Variants in FAM13B observed in about 807,000 individuals in gnomAD.
FAM13B encodes protein FAM13B.
FAM13B carries 60 observed loss-of-function variants against 117.3 expected under a neutral mutation model. The ratio of observed to expected loss-of-function variants is 0.51; its 90% CI spans 0.42 to 0.63. The LOEUF is 0.63. Ranked by LOEUF, FAM13B falls within the 30% of genes least tolerant of loss-of-function variation. The pLI is 0.00. For synonymous variants in FAM13B, 332 were observed against 356.1 expected (o/e 0.93, Z 0.76); for missense variants, 972 against 1,091.9 (o/e 0.89, Z 1.55).
At chr5:137,954,423 C>A (rs368375045) in intron 14 of FAM13B, 47 bp from the exon 15 acceptor site, 1 of 1,515,808 alleles carries the variant, frequency 6.6e-7, no homozygotes, top group Non-Finnish European at 9.0e-7. Context: ...CTTGATTCCA[C>A]GTGGGAAAAA....
At position 138,032,735 on chromosome 5, in the gene FAM13B, CT is replaced by C. The variant is rs1345234434; in HGVS notation, c.-203+46del. Reference sequence around the variant, plus strand: ...ACAGGAGGGGAAGGGCCGCGGCGACCTGCAACCCGCGCATGCGCAGATCCGG... The same window carrying C: ...ACAGGAGGGGAAGGGCCGCGGCGACCGCAACCCGCGCATGCGCAGATCCGG... On this transcript the variant is annotated intron_variant, in intron 1 of 23. Coordinates refer to ENST00000689681, the MANE Select transcript of FAM13B (RefSeq NM_001385994.1). The C allele has an allele frequency of 4.5e-5, 44 of 985,712 alleles. 2 individuals carry two copies. In the East Asian group the frequency reaches 4.4e-3, roughly 99 times the overall value. The allele number at this position is 985,712 out of a possible 1,614,324, so 61.1% of individuals were successfully genotyped here.
chr5:137,992,893 A>G (rs888317785), intron 7 of FAM13B, among the ~76,000 whole-genome samples: 16 of 152,362 alleles, frequency 1.1e-4, no homozygotes, highest in Admixed American at 1.0e-3. Context: ...GAAGATGTGT[A>G]TAAGAACGTA....
chr5:138,031,017 T>C (rs1047155885), intron 1 of FAM13B, among the ~76,000 whole-genome samples: 12 of 151,058 alleles, frequency 7.9e-5, no homozygotes, highest in Non-Finnish European at 1.0e-4. Context: ...TGGGCGACAG[T>C]GATGCCCTGT....
At chr5:138,013,657 C>A (rs1361456724) in intron 4 of FAM13B, among the ~76,000 whole-genome samples, 18 of 152,160 alleles carry the variant, frequency 1.2e-4, no homozygotes, top group Admixed American at 6.5e-5. Context: ...TAAAATCAGA[C>A]AGAATAGTCC....
At chr5:138,040,626 A>G (rs1199550306) in intron 1 of FAM13B, among the ~76,000 whole-genome samples, 1 of 152,172 alleles carries the variant, frequency 6.6e-6, no homozygotes, top group Non-Finnish European at 1.5e-5. Flanking sequence ...CAATATTCAA[A>G]GAAATAGTGG....
intron 7 of FAM13B, among the ~76,000 whole-genome samples, chr5:138,002,895 C>T (rs1265055152): frequency 2.0e-5 from 3 of 150,430 alleles, no homozygotes; most frequent in African/African-American, 7.3e-5. Flanking sequence ...AGGATGGTCT[C>T]GATCTCCTGA....
At chr5:137,975,840 A>AT (rs1363667017) in intron 10 of FAM13B, among the ~76,000 whole-genome samples, 2 of 147,582 alleles carry the variant, frequency 1.4e-5, no homozygotes, top group Admixed American at 1.4e-4. Context: ...TCTTTCTGAC[A>AT]TTTTTTAGTC....
chr5:138,038,204 A>G (rs1234149186), intron 1 of FAM13B, among the ~76,000 whole-genome samples: 3 of 151,952 alleles, frequency 2.0e-5, no homozygotes, highest in Non-Finnish European at 4.4e-5. Context: ...ACCACTAAGA[A>G]TTCCCCCAAA....
intron 10 of FAM13B, among the ~76,000 whole-genome samples, chr5:137,982,967 G>T (rs1776185144): frequency 6.6e-6 from 1 of 152,038 alleles, no homozygotes; most frequent in South Asian, 2.1e-4. Flanking sequence ...GCAATCTAAA[G>T]TTCCAAAACA....
intron 1 of FAM13B, among the ~76,000 whole-genome samples, chr5:138,026,392 G>A (rs377735216): frequency 2.4e-4 from 37 of 152,208 alleles, no homozygotes; most frequent in East Asian, 9.7e-4. Flanking sequence ...TTGGGAGGCC[G>A]AGGTGGGCAG....
intron 1 of FAM13B, among the ~76,000 whole-genome samples, chr5:138,024,208 G>A (rs1389740614): frequency 6.6e-6 from 1 of 151,950 alleles, no homozygotes; most frequent in East Asian, 1.9e-4. Context: ...CTTTGCAGGT[G>A]TAATTAGTTA....
At chr5:137,946,342 C>CAA (rs752211644) in intron 18 of FAM13B, 31 bp from the exon 19 acceptor site, 2,248 of 908,672 alleles carry the variant, frequency 2.5e-3, no homozygotes, top group South Asian at 2.8e-3. Flanking sequence ...TAACAAAATA[C>CAA]AAAAAAAAAA....
intron 1 of FAM13B, among the ~76,000 whole-genome samples, chr5:138,021,768 G>A (rs77427240): frequency 0.015 from 2,349 of 152,308 alleles, 23 homozygotes; most frequent in Admixed American, 0.027. Context: ...GTAGACACAT[G>A]ATGGTGAACA....
chr5:137,946,350 A>C lies in FAM13B; in HGVS notation c.2161-39T>G, dbSNP rs148552313. On this transcript the variant is annotated intron_variant, in intron 18 of 23. Transcript: ENST00000689681. Reference sequence around the variant, plus strand: ...AAAAAAATAACAAAATACAAAAAAAAAAAAACAAAAACAAAAAAACTCCAC... The same window carrying C: ...AAAAAAATAACAAAATACAAAAAAACAAAAACAAAAACAAAAAAACTCCAC... 9.2e-4 allele frequency: 1,302 copies of C among 1,420,932 alleles called. 10 individuals are homozygous for C. Among genetic ancestry groups the C allele is most frequent in the East Asian group, 3.7e-3 (162 of 43,354 alleles). 88.0% of individuals were successfully genotyped at this position (1,420,932 alleles called of 1,614,324 possible). A position where few individuals can be genotyped will look rare whatever the true frequency, so the allele number is the denominator to read the frequency against.
intron 7 of FAM13B, among the ~76,000 whole-genome samples, chr5:137,998,845 G>A (rs990596402): frequency 5.3e-5 from 8 of 152,150 alleles, no homozygotes; most frequent in Admixed American, 1.3e-4. Context: ...CTGGGTCACC[G>A]GGGCAGCCCC....
chr5:137,998,123 G>A (rs1273309240), intron 7 of FAM13B, among the ~76,000 whole-genome samples: 2 of 152,216 alleles, frequency 1.3e-5, no homozygotes, highest in Non-Finnish European at 2.9e-5. Flanking sequence ...CTAAAGTGGA[G>A]CACTCTGAAC....
At chr5:138,009,801 T>TC (rs1240709519) in intron 6 of FAM13B, among the ~76,000 whole-genome samples, 1 of 25,882 alleles carries the variant, frequency 3.9e-5, no homozygotes, top group Non-Finnish European at 7.7e-5. Flanking sequence ...CGAGACTGTC[T>TC]CAAAAAAAAA....
intron 7 of FAM13B, among the ~76,000 whole-genome samples, chr5:138,000,559 TAAAAC>T (rs1451689740): frequency 1.3e-5 from 2 of 152,110 alleles, no homozygotes; most frequent in Non-Finnish European, 2.9e-5. Context: ...AGCATTAACT[TAAAAC>T]TAATAAAGGA....
chr5:137,988,708 G>A (rs904090319), intron 7 of FAM13B, among the ~76,000 whole-genome samples: 2 of 152,190 alleles, frequency 1.3e-5, no homozygotes, highest in South Asian at 2.1e-4. Context: ...ATGGCCATGG[G>A]TTGGGTACCC....
Sources: gnomAD v4.1 joint callset for allele counts (sites outside exome capture counted in the v4.1 genomes callset) on GRCh38, gnomAD v4.1.1 for gene constraint, MANE v1.5 for transcripts, NCBI Gene and HGNC (gene_info 2026-07-23, HGNC 2026-07-21) for gene names.